The following NAA11 variants were observed in gnomAD, a reference collection of about 807,000 sequenced individuals.
NAA11 encodes the protein N-alpha-acetyltransferase 11, NatA catalytic subunit, also known as N-alpha-acetyltransferase 11.
Under a neutral mutation model 16.1 loss-of-function variants are expected in NAA11, and 15 were observed. The observed-to-expected ratio is 0.93, with a 90% CI of 0.62 to 1.44. NAA11 has a LOEUF of 1.44. NAA11 is among the 40% of genes most tolerant of loss of function. The pLI, the probability that NAA11 is intolerant of heterozygous loss-of-function variation, is 0.00. For synonymous variants in NAA11, 122 were observed against 112.4 expected (o/e 1.09, Z -0.54); for missense variants, 298 against 291.3 (o/e 1.02, Z -0.17).
intron 2 of NAA11, chr4:79,293,967 GGA>G (rs1706495652): frequency 6.6e-6 from 1 of 152,128 alleles, no homozygotes; most frequent in African/African-American, 2.4e-5. Context: ...ATGATGAGTT[GGA>G]CCCTTTGTCC....
At chr4:79,248,972 G>C (rs921186824) in intron 2 of NAA11, among the ~76,000 whole-genome samples, 1 of 151,916 alleles carries the variant, frequency 6.6e-6, no homozygotes, top group African/African-American at 2.4e-5. Context: ...GTTGTGATGA[G>C]CAGTCTGGGA....
At chr4:79,176,486 C>T in the NAA11 span, among the ~76,000 whole-genome samples, 1 of 152,182 alleles carries the variant, frequency 6.6e-6, no homozygotes, top group African/African-American at 2.4e-5. Context: ...CGTCTGAAGA[C>T]AGTCTGCTGG....
intron 1 of NAA11, among the ~76,000 whole-genome samples, chr4:79,303,076 T>C (rs1227884853): frequency 1.0e-4 from 7 of 67,530 alleles, no homozygotes; most frequent in Middle Eastern, 0.014. Flanking sequence ...TTGAGGCCTT[T>C]TATATATATA....
the NAA11 span, among the ~76,000 whole-genome samples, chr4:79,161,360 A>T: frequency 6.6e-6 from 1 of 152,136 alleles, no homozygotes; most frequent in Non-Finnish European, 1.5e-5. Context: ...TCTGGATCTA[A>T]ATTCTATTCC....
chr4:79,236,757 A>G (rs1333238401), intron 2 of NAA11, among the ~76,000 whole-genome samples: 2 of 152,176 alleles, frequency 1.3e-5, no homozygotes, highest in African/African-American at 4.8e-5. Context: ...TAATACAGCA[A>G]AATTATAAAG....
chr4:79,191,672 G>C, the NAA11 span, among the ~76,000 whole-genome samples: 1 of 152,080 alleles, frequency 6.6e-6, no homozygotes, highest in Non-Finnish European at 1.5e-5. Context: ...CTGTACAGAG[G>C]TTCTTAAGTT....
chr4:79,228,199 A>G (rs2109953705), intron 2 of NAA11, among the ~76,000 whole-genome samples: 1 of 152,108 alleles, frequency 6.6e-6, no homozygotes, highest in Admixed American at 6.6e-5. Context: ...TGAGTATTGT[A>G]TTAATTACAT....
intron 2 of NAA11, among the ~76,000 whole-genome samples, chr4:79,267,769 G>T (rs926855899): frequency 6.6e-6 from 1 of 152,046 alleles, no homozygotes; most frequent in Non-Finnish European, 1.5e-5. Flanking sequence ...TGTGCACTAA[G>T]CCCCCAACAG....
intron 2 of NAA11, among the ~76,000 whole-genome samples, chr4:79,262,486 C>CT (rs575626064): frequency 2.9e-3 from 439 of 152,204 alleles, no homozygotes; most frequent in Non-Finnish European, 5.1e-3. Flanking sequence ...GGCCATGTAA[C>CT]TAAGTACTTG....
At chr4:79,229,945 C>T (rs2109954792) in intron 2 of NAA11, among the ~76,000 whole-genome samples, 1 of 151,974 alleles carries the variant, frequency 6.6e-6, no homozygotes, top group South Asian at 2.1e-4. Context: ...TTATTGGTAC[C>T]TAGTCTATAT....
chr4:79,243,815 A>G (rs1408940867), intron 2 of NAA11, among the ~76,000 whole-genome samples: 1 of 152,218 alleles, frequency 6.6e-6, no homozygotes, highest in Non-Finnish European at 1.5e-5. Flanking sequence ...CTTGGAAGAG[A>G]TACAAGAGGG....
intron 2 of NAA11, among the ~76,000 whole-genome samples, chr4:79,263,144 T>G (rs1722275163): frequency 6.6e-6 from 1 of 152,186 alleles, no homozygotes; most frequent in East Asian, 1.9e-4. Flanking sequence ...TTTTTATTCC[T>G]TTTGCACAGT....
the NAA11 span, among the ~76,000 whole-genome samples, chr4:79,190,611 G>A: frequency 1.3e-5 from 2 of 151,996 alleles, no homozygotes; most frequent in African/African-American, 4.8e-5. Flanking sequence ...AAAGATAAAT[G>A]AAAGACCCAT....
At chr4:79,212,602 C>T in the NAA11 span, among the ~76,000 whole-genome samples, 1 of 152,070 alleles carries the variant, frequency 6.6e-6, no homozygotes, top group East Asian at 1.9e-4. Context: ...CACGGTTTCA[C>T]TTTACATGGT....
In NAA11 at chr4:79,326,035, A is replaced by G. The variant is rs1724273196; in HGVS notation, c.-158T>C. The G allele has an allele frequency of 1.6e-6, 1 of 639,392 alleles. No homozygotes were observed. Among genetic ancestry groups the G allele is most frequent in the Non-Finnish European group, 2.8e-6 (1 of 362,962 alleles). 39.6% of individuals were successfully genotyped at this position (639,392 alleles called of 1,614,324 possible). On this transcript the variant is annotated 5_prime_UTR_variant, in exon 1 of 2. Transcript: ENST00000286794. The stretch of plus-strand genomic sequence containing the variant: ...CGGATGGCGGGAAGGCGGAAGGAGC[A>G]GGAGATGGAAAAGATGGTGCCAAAC...
the NAA11 span, among the ~76,000 whole-genome samples, chr4:79,215,175 A>G: frequency 1.3e-5 from 2 of 152,198 alleles, no homozygotes; most frequent in South Asian, 2.1e-4. Flanking sequence ...TGTTCTTACC[A>G]ATTTACACAT....
chr4:79,266,230 G>C (rs900163762), intron 2 of NAA11, among the ~76,000 whole-genome samples: 4 of 152,054 alleles, frequency 2.6e-5, no homozygotes, highest in African/African-American at 9.7e-5. Flanking sequence ...CATTATGATC[G>C]GCACTCGCAG....
chr4:79,181,289 G>A, the NAA11 span, among the ~76,000 whole-genome samples: 1 of 151,364 alleles, frequency 6.6e-6, no homozygotes, highest in African/African-American at 2.4e-5. Context: ...TTTTCCCATA[G>A]GCAAAGGCAA....
At chr4:79,246,379 A>AAAAAAAAAAAAAAAAAAAAAC (rs1721829355) in intron 2 of NAA11, among the ~76,000 whole-genome samples, 1 of 7,248 alleles carries the variant, frequency 1.4e-4, no homozygotes, top group African/African-American at 1.8e-4. Flanking sequence ...ATAAATACTA[A>AAAAAAAAAAAAAAAAAAAAAC]AAAAAAAAAA....
Sources: gnomAD v4.1 joint callset for allele counts (sites outside exome capture counted in the v4.1 genomes callset) on GRCh38, gnomAD v4.1.1 for gene constraint, MANE v1.5 for transcripts, NCBI Gene and HGNC (gene_info 2026-07-23, HGNC 2026-07-21) for gene names.